The following RNASEH2B variants were observed in gnomAD, a reference collection of about 807,000 sequenced individuals.
The protein encoded by RNASEH2B is Aicardi-Goutieres syndrome 2 protein.
Under a neutral mutation model 45.0 loss-of-function variants are expected in RNASEH2B, and 36 were observed. The ratio of observed to expected loss-of-function variants is 0.80; its 90% CI spans 0.61 to 1.06. The LOEUF (loss-of-function observed/expected upper bound fraction) is 1.06. RNASEH2B is among the 50% of genes least tolerant of loss of function. RNASEH2B has a pLI of 0.00. For missense variants in RNASEH2B, 361 were observed against 360.3 expected, an observed-to-expected ratio of 1.00 and a Z score of -0.02; for synonymous variants, 119 against 125.7, an observed-to-expected ratio of 0.95 and a Z score of 0.35.
chr13:50,933,516 G>A (rs962542091), intron 4 of RNASEH2B, among the ~76,000 whole-genome samples: 6 of 152,062 alleles, frequency 3.9e-5, no homozygotes, highest in Non-Finnish European at 5.9e-5. Flanking sequence ...TTCCTATTTA[G>A]TTAAAAATTA....
intron 9 of RNASEH2B, chr13:50,952,915 G>C (rs1425570400): frequency 6.6e-6 from 1 of 151,992 alleles, no homozygotes; most frequent in Non-Finnish European, 1.5e-5. Flanking sequence ...TATCCTCTTG[G>C]GTTATGGGAT....
chr13:50,957,195 A>G (rs1432682306), downstream of RNASEH2B, among the ~76,000 whole-genome samples: 1 of 151,782 alleles, frequency 6.6e-6, no homozygotes, highest in East Asian at 1.9e-4. Flanking sequence ...TGAACCTGTC[A>G]CCCAGGTAGT....
intron 10 of RNASEH2B, 91 bp from the exon 11 acceptor site, chr13:50,956,267 A>C (rs1952046704): frequency 2.8e-6 from 3 of 1,088,816 alleles, no homozygotes; most frequent in Non-Finnish European, 4.1e-6. Flanking sequence ...TTCCTTAATG[A>C]AACTTGAGAC....
At chr13:50,918,364 C>T (rs940688851) in intron 1 of RNASEH2B, among the ~76,000 whole-genome samples, 4 of 152,302 alleles carry the variant, frequency 2.6e-5, no homozygotes, top group African/African-American at 9.6e-5. Flanking sequence ...GTCTCGATCT[C>T]CTGACGTCGT....
Position 50,962,224 on chromosome 13 carries a change from G to A in RNASEH2B, c.742-7708G>A, listed in dbSNP as rs147815962. On this transcript the variant is annotated intron_variant, in intron 9 of 9. Coordinates refer to the RNASEH2B transcript ENST00000422660. ...CAGAGTAAAACTGGGCTTATAAAATGAGTTGGGAAGTATTCTTTCATCACT... is the reference window on the plus strand; with the variant it reads ...CAGAGTAAAACTGGGCTTATAAAATAAGTTGGGAAGTATTCTTTCATCACT... Among the ~76,000 whole-genome samples, 42 of 152,280 alleles carry A rather than the reference G, an allele frequency of 2.8e-4. 1 individual carries two copies. The highest frequency in any genetic ancestry group is 9.9e-4 in the African/African-American group (41 of 41,564).
chr13:50,931,170 G>A (rs79343134), intron 4 of RNASEH2B, among the ~76,000 whole-genome samples: 1,720 of 152,222 alleles, frequency 0.011, 29 homozygotes, highest in African/African-American at 0.04. Flanking sequence ...AAACTGGAGC[G>A]GGTCCAATAG....
intron 1 of RNASEH2B, among the ~76,000 whole-genome samples, chr13:50,923,007 C>G (rs116473551): frequency 0.01 from 1,533 of 152,230 alleles, 25 homozygotes; most frequent in African/African-American, 0.034. Context: ...GATCTAAAGT[C>G]TGGATTTGAA....
intron 4 of RNASEH2B, among the ~76,000 whole-genome samples, chr13:50,932,199 A>C (rs1951689273): frequency 2.0e-5 from 3 of 152,178 alleles, no homozygotes; most frequent in African/African-American, 7.2e-5. Context: ...ACCGTAATTC[A>C]TAGTGGGTTT....
chr13:50,909,909 G>A lies in RNASEH2B; in HGVS notation c.-168G>A. On this transcript the variant is annotated 5_prime_UTR_variant, in exon 1 of 11. Coordinates refer to ENST00000336617, the MANE Select transcript of RNASEH2B (RefSeq NM_024570.4). Reference sequence around the variant, plus strand: ...AAAACGTAACACGAGCAGCAGGCTGGTCTCGGAAACGAAACGAAATTCGGT... The same window carrying A: ...AAAACGTAACACGAGCAGCAGGCTGATCTCGGAAACGAAACGAAATTCGGT... The A allele has an allele frequency of 2.0e-6, 1 of 508,488 alleles. No individual in the cohort carries two copies. Among genetic ancestry groups the A allele is most frequent in the Non-Finnish European group, 3.4e-6 (1 of 293,248 alleles). The allele number at this position is 508,488 out of a possible 1,614,324, so 31.5% of individuals were successfully genotyped here. A position where few individuals can be genotyped will look rare whatever the true frequency, so the allele number is the denominator to read the frequency against.
At chr13:50,949,580 T>C (rs751061303) in intron 9 of RNASEH2B, 75 bp downstream of exon 9, 27 of 1,342,854 alleles carry the variant, frequency 2.0e-5, no homozygotes, top group Non-Finnish European at 2.9e-5. Context: ...GTTTAGTTGG[T>C]TCTAATATAT....
intron 10 of RNASEH2B, chr13:50,955,639 A>G (rs1234211545): frequency 1.3e-5 from 2 of 152,238 alleles, no homozygotes; most frequent in African/African-American, 2.4e-5. Context: ...CCAGGGAGAC[A>G]GGTGATTTTT....
intron 4 of RNASEH2B, chr13:50,934,672 G>T: frequency 1.7e-6 from 1 of 582,064 alleles, no homozygotes; most frequent in South Asian, 2.0e-5. Context: ...GGTAGATGGT[G>T]TGCTGTGTGG....
At chr13:50,970,325 C>G in exon 10 of RNASEH2B, 1 of 477,568 alleles carries the variant, frequency 2.1e-6, no homozygotes, top group Admixed American at 4.2e-5. Context: ...TTTGGCAAAC[C>G]AAGTTTCAAC....
At chr13:50,956,900 A>AT (rs377401674), downstream of RNASEH2B, 7,708 of 189,364 alleles carry the variant, frequency 0.041, 82 homozygotes, top group African/African-American at 0.066. Context: ...TTTTTGGTAA[A>AT]TTTTTTTTTT....
chr13:50,910,190 GGCCCGCGACCCCGGGCGCGCC>G, intron 1 of RNASEH2B, 50 bp downstream of exon 1: 1 of 1,311,590 alleles, frequency 7.6e-7, no homozygotes, highest in Non-Finnish European at 9.8e-7. Context: ...CTGGCGGAGC[GGCCCGCGACCCCGGGCGCGCC>G]GCCCCCCACC....
chr13:50,956,507 G>T lies in RNASEH2B; in HGVS notation c.*33G>T, dbSNP rs529254634. On this transcript the variant is annotated 3_prime_UTR_variant, in exon 11 of 11. Transcript: ENST00000336617. Reference sequence around the variant, plus strand: ...AAAATAAAATCTAGCAAAAATATTTGCTTTTTACATGTTTCAGTTTGTCCT... The same window carrying T: ...AAAATAAAATCTAGCAAAAATATTTTCTTTTTACATGTTTCAGTTTGTCCT... 4 of 1,577,896 alleles carry T rather than the reference G, an allele frequency of 2.5e-6. No homozygotes were observed. The highest frequency in any genetic ancestry group is 3.5e-5 in the Admixed American group (2 of 56,836).
At chr13:50,938,952 T>TA in intron 5 of RNASEH2B, 1 of 152,250 alleles carries the variant, frequency 6.6e-6, no homozygotes. Flanking sequence ...CTCATGCCTG[T>TA]AATCCTAGCG....
chr13:50,964,992 C>T (rs927100956), intron 9 of RNASEH2B, among the ~76,000 whole-genome samples: 3 of 152,178 alleles, frequency 2.0e-5, no homozygotes, highest in Admixed American at 2.0e-4. Context: ...CTGCCTTACT[C>T]CCTGCATAGG....
At chr13:50,928,481 G>A (rs571067006) in intron 2 of RNASEH2B, 73 of 152,296 alleles carry the variant, frequency 4.8e-4, no homozygotes, top group African/African-American at 1.7e-3. Flanking sequence ...TAGCAGTAAA[G>A]GTTCTAAAGC....
Sources: allele counts gnomAD v4.1 joint callset (sites outside exome capture counted in the v4.1 genomes callset), GRCh38; gene constraint gnomAD v4.1.1; transcripts MANE v1.5; gene names NCBI Gene and HGNC (gene_info 2026-07-23, HGNC 2026-07-21).